Variants in RAD51B observed in about 807,000 individuals in gnomAD.
The protein encoded by RAD51B is DNA repair protein RAD51 homolog 2.
In RAD51B, 38 loss-of-function variants were observed where a neutral mutation model predicts 42.2. The observed-to-expected ratio is 0.90, with a 90% CI of 0.70 to 1.18. The LOEUF is 1.18. Ranked by LOEUF, RAD51B falls within the 50% of genes most tolerant of loss-of-function variation. The pLI is 0.00. For missense variants in RAD51B, 373 were observed against 400.7 expected (o/e 0.93, Z 0.59); for synonymous variants, 154 against 145.2 (o/e 1.06, Z -0.43).
At position 68,604,031 on chromosome 14, in the gene RAD51B, T is replaced by TA. The variant is rs1181893687; in HGVS notation, c.1037-6974dup. The stretch of plus-strand genomic sequence containing the variant: ...CAGCGGCCTCAGGCCCTGAACTTTG[T>TA]ATTTCTTAGCCCGCCAGGATTGCTG... On this transcript the variant is annotated intron_variant, in intron 10 of 10. Coordinates refer to the RAD51B transcript ENST00000487861. Among the ~76,000 whole-genome samples, 10 of 152,368 alleles carry TA rather than the reference T, an allele frequency of 6.6e-5. No homozygotes were observed. In the East Asian group the frequency reaches 1.9e-3, roughly 29 times the overall value.
At position 68,296,422 on chromosome 14, in the gene RAD51B, A is replaced by G. The variant is rs115862203; in HGVS notation, c.853+4442A>G. On this transcript the variant is annotated intron_variant, in intron 8 of 10. Transcript: ENST00000471583. Reference sequence around the variant, plus strand: ...TATTGTGACTGTTGTGTGGCCAAGGACACATTTCTTAGCCCTTGCCAATTC... The same window carrying G: ...TATTGTGACTGTTGTGTGGCCAAGGGCACATTTCTTAGCCCTTGCCAATTC... 6.6e-3 allele frequency among the ~76,000 whole-genome samples: 1,002 copies of G among 152,324 alleles called. 8 individuals carry two copies. Among genetic ancestry groups the G allele is most frequent in the African/African-American group, 0.021 (861 of 41,574 alleles).
At chr14:67,954,895 T>C (rs1357971658) in intron 7 of RAD51B, among the ~76,000 whole-genome samples, 2 of 152,084 alleles carry the variant, frequency 1.3e-5, no homozygotes, top group African/African-American at 4.8e-5. Flanking sequence ...ACAAATGATA[T>C]CAAGTATATA....
At chr14:68,050,288 C>G (rs1295959518) in intron 7 of RAD51B, among the ~76,000 whole-genome samples, 1 of 150,594 alleles carries the variant, frequency 6.6e-6, no homozygotes, top group Admixed American at 6.7e-5. Flanking sequence ...CTTTTCTTTT[C>G]TACCTCTGTC....
At chr14:68,002,200 C>G (rs2075497964) in intron 7 of RAD51B, among the ~76,000 whole-genome samples, 1 of 152,148 alleles carries the variant, frequency 6.6e-6, no homozygotes, top group East Asian at 1.9e-4. Flanking sequence ...GCAACCTTGC[C>G]AGCATCTGTT....
chr14:68,454,291 TAGTGG>T (rs2085628372), intron 9 of RAD51B, among the ~76,000 whole-genome samples: 1 of 152,126 alleles, frequency 6.6e-6, no homozygotes, highest in South Asian at 2.1e-4. Flanking sequence ...ATTTTCAGCA[TAGTGG>T]AATAAGGCAC....
intron 10 of RAD51B, among the ~76,000 whole-genome samples, chr14:68,622,652 A>C (rs1192216415): frequency 6.7e-6 from 1 of 148,468 alleles, no homozygotes; most frequent in African/African-American, 2.5e-5. Context: ...ATGAACAAAT[A>C]TCTCTACATT....
chr14:68,088,933 C>T (rs1295133009), intron 7 of RAD51B, among the ~76,000 whole-genome samples: 3 of 151,820 alleles, frequency 2.0e-5, no homozygotes, highest in South Asian at 2.1e-4. Flanking sequence ...TTCTGTTCTC[C>T]GTTTAAAAGT....
intron 7 of RAD51B, among the ~76,000 whole-genome samples, chr14:68,013,642 G>A (rs533123608): frequency 1.9e-4 from 29 of 152,164 alleles, no homozygotes; most frequent in African/African-American, 4.6e-4. Flanking sequence ...ATTGTATTAC[G>A]TAGAATATAA....
downstream of RAD51B, among the ~76,000 whole-genome samples, chr14:68,614,375 C>A (rs1215548225): frequency 6.6e-6 from 1 of 152,076 alleles, no homozygotes; most frequent in East Asian, 1.9e-4. Context: ...AATTGACATA[C>A]CATAAAATTC....
chr14:68,649,560 G>T (rs1191321378), intron 10 of RAD51B, among the ~76,000 whole-genome samples: 1 of 152,138 alleles, frequency 6.6e-6, no homozygotes. Context: ...TCAAGTCTAG[G>T]TTCCCCTGAA....
intron 10 of RAD51B, among the ~76,000 whole-genome samples, chr14:68,544,392 C>T (rs1463881147): frequency 6.6e-6 from 1 of 152,232 alleles, no homozygotes; most frequent in Non-Finnish European, 1.5e-5. Context: ...TTGGGCTTAA[C>T]CCAACCCACT....
chr14:68,552,416 C>A (rs1176348069), intron 10 of RAD51B, among the ~76,000 whole-genome samples: 1 of 152,156 alleles, frequency 6.6e-6, no homozygotes, highest in Non-Finnish European at 1.5e-5. Context: ...CAATCAAAAA[C>A]TCCCCCAAAC....
chr14:67,878,549 G>C (rs542311612), intron 5 of RAD51B, among the ~76,000 whole-genome samples: 1 of 151,762 alleles, frequency 6.6e-6, no homozygotes, highest in Non-Finnish European at 1.5e-5. Context: ...TATGGCTGTA[G>C]TTTTTAAAGT....
intron 7 of RAD51B, among the ~76,000 whole-genome samples, chr14:68,008,153 A>T (rs1030503426): frequency 1.3e-5 from 2 of 151,928 alleles, no homozygotes; most frequent in African/African-American, 2.4e-5. Flanking sequence ...CTGAGAAAAT[A>T]ATCATTATTT....
intron 7 of RAD51B, among the ~76,000 whole-genome samples, chr14:68,273,317 G>C (rs937235686): frequency 6.6e-6 from 1 of 152,166 alleles, no homozygotes; most frequent in African/African-American, 2.4e-5. Context: ...TTGGCCAAAA[G>C]CCTATTACTC....
At chr14:68,135,686 A>G (rs2077992690) in intron 7 of RAD51B, among the ~76,000 whole-genome samples, 1 of 152,172 alleles carries the variant, frequency 6.6e-6, no homozygotes, top group Non-Finnish European at 1.5e-5. Flanking sequence ...TCCAAATCTT[A>G]GTGAATGCTT....
intron 7 of RAD51B, among the ~76,000 whole-genome samples, chr14:68,042,652 G>A (rs1011069553): frequency 6.6e-6 from 1 of 151,776 alleles, no homozygotes; most frequent in Non-Finnish European, 1.5e-5. Flanking sequence ...GAAAAGGAGC[G>A]TCCCTCTTAG....
chr14:67,986,045 T>C (rs1210593473), intron 7 of RAD51B, among the ~76,000 whole-genome samples: 1 of 152,216 alleles, frequency 6.6e-6, no homozygotes, highest in South Asian at 2.1e-4. Flanking sequence ...TTTAATTCTG[T>C]GTGTGTATGT....
intron 7 of RAD51B, among the ~76,000 whole-genome samples, chr14:68,229,999 A>C (rs746275212): frequency 1.6e-4 from 24 of 152,312 alleles, no homozygotes; most frequent in Non-Finnish European, 3.2e-4. Flanking sequence ...AGCAACTCAT[A>C]TCATTTCTAG....
Sources: gnomAD v4.1 joint callset for allele counts (sites outside exome capture counted in the v4.1 genomes callset) on GRCh38, gnomAD v4.1.1 for gene constraint, MANE v1.5 for transcripts, NCBI Gene and HGNC (gene_info 2026-07-23, HGNC 2026-07-21) for gene names.